LINGO2: variants seen among roughly 807,000 people sequenced by gnomAD.
The protein encoded by LINGO2 is leucine rich repeat and Ig domain containing 2, also known as leucine-rich repeat and immunoglobulin-like domain-containing nogo receptor-interacting protein 2.
A neutral mutation model predicts 30.6 loss-of-function variants in LINGO2; 14 were observed. The observed-to-expected ratio is 0.46, with a 90% confidence interval of 0.30 to 0.72. The LOEUF (loss-of-function observed/expected upper bound fraction) is 0.72, where lower values mean the gene tolerates loss of function less well. LINGO2 is among the 30% of genes least tolerant of loss of function. The probability of loss-of-function intolerance (pLI) is 0.07; values close to 1 mark genes in which losing one functional copy is unlikely to be tolerated. For synonymous variants in LINGO2, 317 were observed against 288.5 expected, an observed-to-expected ratio of 1.10 and a Z score of -1.00; for missense variants, 729 against 751.7, an observed-to-expected ratio of 0.97 and a Z score of 0.35.
intron 1 of LINGO2, among the ~76,000 whole-genome samples, chr9:28,522,320 A>G (rs1347435020): frequency 6.6e-6 from 1 of 152,216 alleles, no homozygotes; most frequent in Non-Finnish European, 1.5e-5. Context: ...AGAAATGGCC[A>G]GAGGAAATCA....
chr9:28,677,726 A>G, the LINGO2 span, among the ~76,000 whole-genome samples: 1 of 152,074 alleles, frequency 6.6e-6, no homozygotes, highest in African/African-American at 2.4e-5. Flanking sequence ...CATTTAATAA[A>G]CTGCTCTAAT....
At chr9:28,160,719 T>C (rs1828261847) in intron 4 of LINGO2, among the ~76,000 whole-genome samples, 1 of 152,218 alleles carries the variant, frequency 6.6e-6, no homozygotes, top group Non-Finnish European at 1.5e-5. Context: ...TTTGTTATTC[T>C]ATCCTCAGTG....
chr9:28,188,412 C>A (rs1819620289), intron 4 of LINGO2, among the ~76,000 whole-genome samples: 1 of 152,094 alleles, frequency 6.6e-6, no homozygotes, highest in Admixed American at 6.5e-5. Context: ...AATGGCCATC[C>A]TCTCTTCAAC....
At chr9:28,398,951 A>G (rs906215920) in intron 2 of LINGO2, among the ~76,000 whole-genome samples, 1 of 152,170 alleles carries the variant, frequency 6.6e-6, no homozygotes, top group African/African-American at 2.4e-5. Context: ...GTTCAATCAC[A>G]GTCAAAAACT....
chr9:28,627,089 G>A (rs573736252), intron 1 of LINGO2, among the ~76,000 whole-genome samples: 4 of 151,802 alleles, frequency 2.6e-5, no homozygotes, highest in African/African-American at 7.2e-5. Context: ...GTTCTGATAG[G>A]CAATTAATAA....
the LINGO2 span, among the ~76,000 whole-genome samples, chr9:29,098,976 A>G: frequency 7.2e-5 from 11 of 152,202 alleles, no homozygotes; most frequent in African/African-American, 2.7e-4. Flanking sequence ...CCTGACTTCC[A>G]ATTATACTTC....
the LINGO2 span, among the ~76,000 whole-genome samples, chr9:29,094,813 T>C: frequency 1.4e-5 from 2 of 139,446 alleles, no homozygotes; most frequent in African/African-American, 5.3e-5. Context: ...TAAATGTGTC[T>C]ACTAGACATT....
chr9:28,437,366 G>A (rs780092818), intron 2 of LINGO2, among the ~76,000 whole-genome samples: 2 of 152,116 alleles, frequency 1.3e-5, no homozygotes, highest in Non-Finnish European at 2.9e-5. Flanking sequence ...ATCTGACTGA[G>A]AATTATGTCA....
intron 1 of LINGO2, among the ~76,000 whole-genome samples, chr9:28,636,158 T>A (rs571171375): frequency 6.6e-6 from 1 of 152,120 alleles, no homozygotes; most frequent in Non-Finnish European, 1.5e-5. Context: ...ATGAACTCAT[T>A]ATTTTTTATG....
At chr9:28,319,883 AAAAC>A (rs1824976946) in intron 3 of LINGO2, among the ~76,000 whole-genome samples, 1 of 152,176 alleles carries the variant, frequency 6.6e-6, no homozygotes, top group African/African-American at 2.4e-5. Context: ...AAACTGATTG[AAAAC>A]AAACAGAAAA....
intron 5 of LINGO2, among the ~76,000 whole-genome samples, chr9:27,999,118 G>T (rs1033969817): frequency 1.3e-5 from 2 of 151,946 alleles, no homozygotes; most frequent in African/African-American, 2.4e-5. Context: ...GAAGAAGAAA[G>T]GCACATTGGG....
the LINGO2 span, among the ~76,000 whole-genome samples, chr9:28,827,637 CAT>C: frequency 6.6e-6 from 1 of 152,012 alleles, no homozygotes; most frequent in Non-Finnish European, 1.5e-5. Context: ...ATTACACAAA[CAT>C]GAGAGTGATA....
At chr9:28,253,903 G>A (rs926405791) in intron 4 of LINGO2, among the ~76,000 whole-genome samples, 5 of 152,198 alleles carry the variant, frequency 3.3e-5, no homozygotes, top group Admixed American at 3.3e-4. Flanking sequence ...CATTTGCAGC[G>A]GGGAAGAGCC....
intron 1 of LINGO2, among the ~76,000 whole-genome samples, chr9:28,513,168 CAACA>C (rs776899780): frequency 1.3e-5 from 2 of 151,298 alleles, no homozygotes; most frequent in Non-Finnish European, 2.9e-5. Flanking sequence ...GCAAACTTTG[CAACA>C]AACAGGCAAA....
the LINGO2 span, among the ~76,000 whole-genome samples, chr9:28,722,481 C>G: frequency 6.6e-6 from 1 of 152,038 alleles, no homozygotes; most frequent in African/African-American, 2.4e-5. Context: ...ATTTGAAGAG[C>G]AAAGCAGTCT....
At chr9:28,861,268 TATA>T in the LINGO2 span, among the ~76,000 whole-genome samples, 21 of 122,942 alleles carry the variant, frequency 1.7e-4, no homozygotes, top group East Asian at 6.5e-4. Flanking sequence ...ATATAAAATA[TATA>T]ATATTTATAT....
At chr9:29,006,515 C>A in the LINGO2 span, among the ~76,000 whole-genome samples, 1 of 151,934 alleles carries the variant, frequency 6.6e-6, no homozygotes, top group South Asian at 2.1e-4. Context: ...ATCAGTAATG[C>A]TTCACAGATG....
rs1338359176 is a variant in LINGO2, at chr9:27,949,127, AG to A, written c.1544del (p.Pro515LeufsTer4). Reference sequence around the variant, plus strand: ...TGTCATTGGAGTCGGTCATGTACATAGGGGTCCTGTTCGCATAAAGAAAACG... The same window carrying A: ...TGTCATTGGAGTCGGTCATGTACATAGGGTCCTGTTCGCATAAAGAAAACG... On this transcript the variant is annotated frameshift_variant, in exon 6 of 6. Coordinates refer to ENST00000379992, the Ensembl canonical transcript of LINGO2. LOFTEE classifies it high-confidence loss of function. 2 of 1,614,170 alleles carry A rather than the reference AG, an allele frequency of 1.2e-6. No individual in the cohort carries two copies. The highest frequency in any genetic ancestry group is 1.7e-6 in the Non-Finnish European group (2 of 1,180,016).
At chr9:28,101,259 T>A (rs1485525716) in intron 4 of LINGO2, among the ~76,000 whole-genome samples, 1 of 152,098 alleles carries the variant, frequency 6.6e-6, no homozygotes, top group Non-Finnish European at 1.5e-5. Context: ...GGGGTGTCCA[T>A]CCTAGATCAA....
Sources: gnomAD v4.1 joint callset for allele counts (sites outside exome capture counted in the v4.1 genomes callset) on GRCh38, gnomAD v4.1.1 for gene constraint, MANE v1.5 for transcripts, NCBI Gene and HGNC (gene_info 2026-07-23, HGNC 2026-07-21) for gene names.